FADS6: variants seen among roughly 807,000 people sequenced by gnomAD.
FADS6 encodes the protein fatty acid desaturase 6, also known as fatty acid desaturase domain family, member 6.
A neutral mutation model predicts 31.7 loss-of-function variants in FADS6; 28 were observed. The observed-to-expected ratio is 0.88, with a 90% CI of 0.66 to 1.21. FADS6 has a LOEUF of 1.21. FADS6 is among the 50% of genes most tolerant of loss of function. FADS6 has a pLI of 0.00. For synonymous variants in FADS6, 191 were observed against 213.1 expected, an observed-to-expected ratio of 0.90 and a Z score of 0.90; for missense variants, 494 against 504.2, an observed-to-expected ratio of 0.98 and a Z score of 0.19.
chr17:74,893,321 G>A (rs747426205), intron 1 of FADS6, 31 bp downstream of exon 1: 2 of 1,499,864 alleles, frequency 1.3e-6, no homozygotes, highest in South Asian at 1.2e-5. Flanking sequence ...CCCGCAGCCC[G>A]GCCGGGACGC....
intron 5 of FADS6, 150 bp downstream of exon 5, chr17:74,879,254 C>A: frequency 2.0e-6 from 2 of 985,604 alleles, no homozygotes; most frequent in Non-Finnish European, 2.9e-6. Flanking sequence ...CCAGGCTGCT[C>A]TCAAACTCCT....
chr17:74,879,655 A>G, intron 4 of FADS6, 72 bp from the exon 5 acceptor site: 1 of 1,492,842 alleles, frequency 6.7e-7, no homozygotes, highest in South Asian at 1.3e-5. Flanking sequence ...CTGGGACCTC[A>G]TGCTACCCAG....
chr17:74,877,836 G>T lies in FADS6; in HGVS notation c.*495C>A. On this transcript the variant is annotated 3_prime_UTR_variant, in exon 6 of 6. Transcript: ENST00000612771. Reference sequence around the variant, plus strand: ...AAAGCAAGCTCACCCTAAGGTCCCCGGGGAGAGGGCACCTTGGTGGGCAGA... The same window carrying T: ...AAAGCAAGCTCACCCTAAGGTCCCCTGGGAGAGGGCACCTTGGTGGGCAGA... 1.0e-6 allele frequency: 1 copy of T among 986,588 alleles called. No homozygotes were observed. Among genetic ancestry groups the T allele is most frequent in the Non-Finnish European group, 1.2e-6 (1 of 830,820 alleles). The allele number at this position is 986,588 out of a possible 1,614,324, so 61.1% of individuals were successfully genotyped here. A position where few individuals can be genotyped will look rare whatever the true frequency, so the allele number is the denominator to read the frequency against.
downstream of FADS6, among the ~76,000 whole-genome samples, chr17:74,876,953 A>G (rs114317506): frequency 8.0e-3 from 1,216 of 151,578 alleles, 15 homozygotes; most frequent in African/African-American, 0.028. Context: ...CCCTCTCTCA[A>G]TACTACCCAC....
chr17:74,890,006 G>A (rs1400370991), intron 2 of FADS6, among the ~76,000 whole-genome samples: 1 of 152,016 alleles, frequency 6.6e-6, no homozygotes, highest in Non-Finnish European at 1.5e-5. Flanking sequence ...CCTCCATTAA[G>A]GTCTGCACTG....
chr17:74,893,219 C>T (rs1013480980), intron 1 of FADS6, 133 bp downstream of exon 1: 327 of 1,067,092 alleles, frequency 3.1e-4, no homozygotes, highest in Non-Finnish European at 4.0e-4. Context: ...CCACCTCCGC[C>T]TCCCTGCCGC....
chr17:74,882,977 A>G, intron 2 of FADS6: 1 of 780,396 alleles, frequency 1.3e-6, no homozygotes, highest in Non-Finnish European at 1.9e-6. Context: ...CTGGAGTGCC[A>G]ATCTGCCAGT....
intron 2 of FADS6, among the ~76,000 whole-genome samples, chr17:74,886,238 CAA>C (rs550950451): frequency 1.4e-4 from 6 of 42,124 alleles, no homozygotes; most frequent in Admixed American, 5.1e-4. Context: ...GATTCCATCT[CAA>C]AAAAAAAAAA....
chr17:74,886,292 C>T (rs1157326165), intron 2 of FADS6, among the ~76,000 whole-genome samples: 1 of 146,512 alleles, frequency 6.8e-6, no homozygotes, highest in African/African-American at 2.5e-5. Context: ...TGGGGAAACC[C>T]CTACTAAAAA....
At chr17:74,875,817 A>C (rs546094080), downstream of FADS6, among the ~76,000 whole-genome samples, 2 of 152,346 alleles carry the variant, frequency 1.3e-5, no homozygotes, top group South Asian at 4.1e-4. Context: ...CCTCGTGCCA[A>C]GAGGGCTGCC....
chr17:74,893,222 C>T (rs1158184500), intron 1 of FADS6, 130 bp downstream of exon 1: 5 of 1,097,280 alleles, frequency 4.6e-6, no homozygotes, highest in Non-Finnish European at 6.2e-6. Context: ...CCTCCGCCTC[C>T]CTGCCGCCGC....
intron 2 of FADS6, among the ~76,000 whole-genome samples, chr17:74,888,825 CG>C (rs1439769758): frequency 1.3e-5 from 2 of 152,170 alleles, no homozygotes; most frequent in Non-Finnish European, 2.9e-5. Flanking sequence ...GCTTAAATTA[CG>C]GGGGCCTGCC....
chr17:74,888,655 G>A (rs1195395865), intron 2 of FADS6, among the ~76,000 whole-genome samples: 1 of 152,198 alleles, frequency 6.6e-6, no homozygotes, highest in Non-Finnish European at 1.5e-5. Context: ...GTGGCTCCAA[G>A]CCTGCAGCAC....
At chr17:74,890,746 G>A (rs1002493235) in intron 2 of FADS6, among the ~76,000 whole-genome samples, 6 of 152,146 alleles carry the variant, frequency 3.9e-5, no homozygotes, top group Admixed American at 2.0e-4. Flanking sequence ...GGCTATCTGG[G>A]TATCTCAAGC....
chr17:74,880,209 C>T (rs1217417988), intron 4 of FADS6, among the ~76,000 whole-genome samples: 2 of 152,122 alleles, frequency 1.3e-5, no homozygotes, highest in African/African-American at 4.8e-5. Context: ...ATGCTGAGCC[C>T]TGGCCTCCCG....
chr17:74,885,031 C>T (rs2038609155), intron 2 of FADS6, among the ~76,000 whole-genome samples: 1 of 152,044 alleles, frequency 6.6e-6, no homozygotes, highest in South Asian at 2.1e-4. Context: ...CTTTTGAGAA[C>T]TCACCGTCAC....
intron 2 of FADS6, among the ~76,000 whole-genome samples, chr17:74,890,757 G>A (rs539294418): frequency 2.0e-5 from 3 of 152,242 alleles, no homozygotes; most frequent in Middle Eastern, 3.4e-3. Flanking sequence ...TATCTCAAGC[G>A]TGCTGGGTTT....
intron 3 of FADS6, among the ~76,000 whole-genome samples, chr17:74,881,789 A>G (rs1392888430): frequency 1.3e-5 from 2 of 152,038 alleles, no homozygotes; most frequent in African/African-American, 2.4e-5. Context: ...AGAAACAGAA[A>G]CATTAAGCAA....
chr17:74,886,955 C>T (rs1368079825), intron 2 of FADS6, among the ~76,000 whole-genome samples: 2 of 152,016 alleles, frequency 1.3e-5, no homozygotes, highest in African/African-American at 4.8e-5. Context: ...GACTCGGGCA[C>T]TTTTTGTGTC....
Sources: gnomAD v4.1 joint callset for allele counts (sites outside exome capture counted in the v4.1 genomes callset) on GRCh38, gnomAD v4.1.1 for gene constraint, MANE v1.5 for transcripts, NCBI Gene and HGNC (gene_info 2026-07-23, HGNC 2026-07-21) for gene names.